The following CYP4Z1 variants were observed in gnomAD, a reference collection of about 807,000 sequenced individuals.
The protein encoded by CYP4Z1 is cytochrome P450 family 4 subfamily Z member 1, also known as cytochrome P450 4Z1.
Under a neutral mutation model 54.2 loss-of-function variants are expected in CYP4Z1, and 41 were observed. That is an observed-to-expected ratio of 0.76 (90% CI 0.59 to 0.98). The LOEUF (loss-of-function observed/expected upper bound fraction) is 0.98, where lower values mean the gene tolerates loss of function less well. Ranked by LOEUF, CYP4Z1 falls within the 50% of genes least tolerant of loss-of-function variation. CYP4Z1 has a pLI of 0.00. For missense variants in CYP4Z1, 513 were observed against 599.0 expected (o/e 0.86, Z 1.50); for synonymous variants, 163 against 206.2 (o/e 0.79, Z 1.79).
chr1:47,112,699 C>A (rs928170801), intron 9 of CYP4Z1, among the ~76,000 whole-genome samples: 1 of 143,046 alleles, frequency 7.0e-6, no homozygotes, highest in Non-Finnish European at 1.5e-5. Flanking sequence ...GTGGGAGGAT[C>A]GCTTGAGTCT....
chr1:47,060,414 T>C, the CYP4Z1 span, among the ~76,000 whole-genome samples: 1 of 152,180 alleles, frequency 6.6e-6, no homozygotes, highest in Admixed American at 6.5e-5. Flanking sequence ...ACTGCAATCC[T>C]AATTTCAGAC....
At chr1:47,059,568 T>C in the CYP4Z1 span, among the ~76,000 whole-genome samples, 2 of 152,204 alleles carry the variant, frequency 1.3e-5, no homozygotes, top group Non-Finnish European at 2.9e-5. Context: ...TCTGCCCATG[T>C]AATCTCCTGG....
rs182333630 is a variant in CYP4Z1 at position 47,109,607 on chromosome 1, T to C, written c.1201+3346T>C. ...GATTGTGACTCAAATGATACACAGA[T>C]TCCTGGGAGAGCAGTCATTTTTTCT... On this transcript the variant is annotated intron_variant, in intron 9 of 11. Transcript: ENST00000334194. 1.6e-3 allele frequency among the ~76,000 whole-genome samples: 244 copies of C among 152,340 alleles called. 7 individuals carry two copies. In the East Asian group the frequency reaches 0.042, roughly 26 times the overall value.
In CYP4Z1 at chr1:47,067,590, C is replaced by T. The variant is rs1553154607; in HGVS notation, c.100C>T (p.Gln34Ter). 18 of 1,613,506 alleles carry T rather than the reference C, an allele frequency of 1.1e-5. No individual in the cohort carries two copies. The highest frequency in any genetic ancestry group is 1.4e-5 in the Non-Finnish European group (17 of 1,179,720). Reference sequence around the variant, plus strand: ...GCTGTTTCAGGTAATCAGGTTGTACCAGAGGAGGAGATGGATGATCAGAGC... The same window carrying T: ...GCTGTTTCAGGTAATCAGGTTGTACTAGAGGAGGAGATGGATGATCAGAGC... ...LLLFQVIRLY[Q>*]RRRWMIRALH... The change falls in exon 1 of 12, where the codon CAG becomes TAG. Residue 34 changes from glutamine to a stop codon, truncating the protein, a stop_gained. Transcript: ENST00000334194. LOFTEE classifies it high-confidence loss of function.
At chr1:47,061,764 A>G in the CYP4Z1 span, among the ~76,000 whole-genome samples, 1 of 152,216 alleles carries the variant, frequency 6.6e-6, no homozygotes, top group Non-Finnish European at 1.5e-5. Context: ...CTTGATGAAC[A>G]TTGATGCAAA....
chr1:47,078,111 C>A (rs531100976), intron 2 of CYP4Z1, among the ~76,000 whole-genome samples: 18 of 152,200 alleles, frequency 1.2e-4, no homozygotes, highest in African/African-American at 4.3e-4. Context: ...AATTTTCAAC[C>A]ATTATTTCTT....
At chr1:47,091,231 A>T (rs1199023337) in intron 6 of CYP4Z1, among the ~76,000 whole-genome samples, 1 of 141,982 alleles carries the variant, frequency 7.0e-6, no homozygotes, top group African/African-American at 2.9e-5. Flanking sequence ...AATTTCTCTT[A>T]TGACGCCTTC....
At chr1:47,094,980 A>C (rs1644667253) in intron 7 of CYP4Z1, among the ~76,000 whole-genome samples, 1 of 152,192 alleles carries the variant, frequency 6.6e-6, no homozygotes, top group African/African-American at 2.4e-5. Flanking sequence ...ATAAATAAGT[A>C]AAATTAAAAT....
At chr1:47,059,558 T>G in the CYP4Z1 span, among the ~76,000 whole-genome samples, 2 of 152,174 alleles carry the variant, frequency 1.3e-5, no homozygotes, top group African/African-American at 4.8e-5. Context: ...ATTTCCTGAC[T>G]CTGCCCATGT....
chr1:47,103,607 T>C (rs1644736488), intron 8 of CYP4Z1, among the ~76,000 whole-genome samples: 1 of 149,470 alleles, frequency 6.7e-6, no homozygotes, highest in Non-Finnish European at 1.5e-5. Flanking sequence ...TTTTTTTTTT[T>C]TTTTTAGACA....
At chr1:47,114,900 G>A (rs1398251666) in intron 9 of CYP4Z1, among the ~76,000 whole-genome samples, 1 of 152,166 alleles carries the variant, frequency 6.6e-6, no homozygotes, top group African/African-American at 2.4e-5. Flanking sequence ...ATTTCTCAGG[G>A]ATCTAGAACT....
chr1:47,084,556 A>G (rs1314083513), intron 4 of CYP4Z1, 64 bp from the exon 5 acceptor site: 1 of 1,550,480 alleles, frequency 6.4e-7, no homozygotes, highest in African/African-American at 1.6e-5. Context: ...AAGGGACATA[A>G]AATAACTTAG....
In CYP4Z1 at chr1:47,099,238, C is replaced by T. The variant is rs202100105; in HGVS notation, c.1021C>T (p.Arg341Ter). The change falls in exon 8 of 12, where the codon CGA becomes TGA. Residue 341 changes from arginine (R) to a stop codon, truncating the protein, a stop_gained. Coordinates refer to ENST00000334194, the MANE Select transcript of CYP4Z1 (RefSeq NM_178134.3). LOFTEE classifies it high-confidence loss of function. Reference protein sequence around the residue: ...AKYPEHQQRCRDEIRELLGDG... With the variant: ...AKYPEHQQRC ...GTACCCTGAGCATCAGCAGAGATGC[C>T]GAGATGAAATCAGGGAACTCCTAGG... 1.1e-4 allele frequency: 175 copies of T among 1,613,476 alleles called. No homozygotes were observed. The East Asian group carries it at 2.9e-3, about 26-fold the overall frequency.
intron 7 of CYP4Z1, among the ~76,000 whole-genome samples, chr1:47,097,430 G>A (rs1328566189): frequency 6.6e-6 from 1 of 152,050 alleles, no homozygotes; most frequent in Non-Finnish European, 1.5e-5. Context: ...ATTTTTGTCT[G>A]GGGTTTTTAT....
At chr1:47,102,644 C>T (rs1184012656) in intron 8 of CYP4Z1, among the ~76,000 whole-genome samples, 1 of 152,176 alleles carries the variant, frequency 6.6e-6, no homozygotes, top group Admixed American at 6.5e-5. Flanking sequence ...TGTATCATCC[C>T]ATTCTCTCCT....
chr1:47,096,626 C>G (rs1052876039), intron 7 of CYP4Z1: 2 of 131,656 alleles, frequency 1.5e-5, no homozygotes, highest in Non-Finnish European at 3.1e-5. Flanking sequence ...TTCATTTGCT[C>G]TTCTTTTTTT....
At chr1:47,077,500 A>AT (rs1426591431) in intron 2 of CYP4Z1, among the ~76,000 whole-genome samples, 1 of 151,948 alleles carries the variant, frequency 6.6e-6, no homozygotes, top group Admixed American at 6.6e-5. Flanking sequence ...AATGGGTCCC[A>AT]TTTTTTTACT....
At chr1:47,099,913 C>T (rs372138836) in intron 8 of CYP4Z1, among the ~76,000 whole-genome samples, 1 of 152,102 alleles carries the variant, frequency 6.6e-6, no homozygotes, top group Admixed American at 6.5e-5. Flanking sequence ...AGTTGCAACC[C>T]TGGTTTAAAA....
intron 9 of CYP4Z1, among the ~76,000 whole-genome samples, chr1:47,106,998 T>A (rs1044825866): frequency 2.6e-5 from 4 of 152,220 alleles, no homozygotes; most frequent in African/African-American, 9.6e-5. Context: ...TTGGATTTGA[T>A]TGGGCAATCT....
Sources: allele counts gnomAD v4.1 joint callset (sites outside exome capture counted in the v4.1 genomes callset), GRCh38; gene constraint gnomAD v4.1.1; transcripts MANE v1.5; gene names NCBI Gene and HGNC (gene_info 2026-07-23, HGNC 2026-07-21).